NFIA: variants seen among roughly 807,000 people sequenced by gnomAD.
The protein encoded by NFIA is nuclear factor 1 A-type.
In NFIA, 8 loss-of-function variants were observed where a neutral mutation model predicts 62.8. The ratio of observed to expected loss-of-function variants is 0.13; its 90% CI spans 0.07 to 0.23. The LOEUF is 0.23. NFIA is among the 10% of genes least tolerant of loss of function. The pLI is 1.00. For synonymous variants in NFIA, 235 were observed against 238.1 expected, an observed-to-expected ratio of 0.99 and a Z score of 0.12; for missense variants, 410 against 642.1, an observed-to-expected ratio of 0.64 and a Z score of 3.91.
intron 2 of NFIA, among the ~76,000 whole-genome samples, chr1:61,094,150 A>G (rs1646371726): frequency 6.6e-6 from 1 of 152,252 alleles, no homozygotes. Flanking sequence ...TTACCATTTT[A>G]GTAATAATTT....
At chr1:61,110,752 T>C (rs1462495908) in intron 2 of NFIA, among the ~76,000 whole-genome samples, 4 of 152,110 alleles carry the variant, frequency 2.6e-5, no homozygotes, top group African/African-American at 9.6e-5. Context: ...ACTCAGGCAT[T>C]GGCTGAGACA....
intron 6 of NFIA, among the ~76,000 whole-genome samples, chr1:61,367,836 T>C (rs1663671451): frequency 1.5e-5 from 2 of 135,426 alleles, no homozygotes; most frequent in African/African-American, 5.2e-5. Context: ...TATACATATA[T>C]AATAAAGCAT....
chr1:61,387,479 T>TGTTTTG, intron 7 of NFIA, among the ~76,000 whole-genome samples: 1 of 84,884 alleles, frequency 1.2e-5, no homozygotes, highest in Non-Finnish European at 2.6e-5. Context: ...TTTTTTTTTT[T>TGTTTTG]TTTTTTTTTT....
At chr1:61,443,308 C>T (rs1384491105) in intron 10 of NFIA, among the ~76,000 whole-genome samples, 2 of 152,052 alleles carry the variant, frequency 1.3e-5, no homozygotes, top group Non-Finnish European at 2.9e-5. Flanking sequence ...AGACAAAACA[C>T]AAATATTAGT....
intron 6 of NFIA, among the ~76,000 whole-genome samples, chr1:61,369,369 A>G (rs965163321): frequency 1.3e-5 from 2 of 152,186 alleles, no homozygotes; most frequent in Non-Finnish European, 2.9e-5. Context: ...GATTAAATTC[A>G]CCAGAGGGTA....
chr1:61,433,773 T>A (rs1338603619), intron 10 of NFIA, among the ~76,000 whole-genome samples: 1 of 152,082 alleles, frequency 6.6e-6, no homozygotes, highest in Non-Finnish European at 1.5e-5. Context: ...ACTGTATAGG[T>A]TAAAAAAAAC....
intron 7 of NFIA, among the ~76,000 whole-genome samples, chr1:61,388,282 C>T (rs904715284): frequency 6.6e-6 from 1 of 152,184 alleles, no homozygotes; most frequent in Non-Finnish European, 1.5e-5. Flanking sequence ...AAAGATTGAG[C>T]TTTCAAAGAC....
chr1:61,333,654 AT>A (rs1424734826), intron 4 of NFIA, among the ~76,000 whole-genome samples: 3 of 152,170 alleles, frequency 2.0e-5, no homozygotes, highest in Admixed American at 1.3e-4. Context: ...AAATTACCCC[AT>A]TTTTAAAGAT....
At chr1:61,348,414 G>C (rs1349329977) in intron 4 of NFIA, among the ~76,000 whole-genome samples, 3 of 152,230 alleles carry the variant, frequency 2.0e-5, no homozygotes, top group African/African-American at 4.8e-5. Context: ...CACATAACCA[G>C]TTTGCCAAGC....
rs572058919 is a variant in NFIA, at chr1:61,114,293, C to T, written c.559+25613C>T. On this transcript the variant is annotated intron_variant, in intron 2 of 10. Coordinates refer to ENST00000403491, the MANE Select transcript of NFIA (RefSeq NM_001134673.4). ...GTAGAAAAAAAATGAACATTCTAGC[C>T]TGGACAACATAGCAAGACCCCATCT... Among the ~76,000 whole-genome samples the T allele has an allele frequency of 1.4e-4, 21 of 152,172 alleles. 1 individual carries two copies. The South Asian group carries it at 2.5e-3, about 18-fold the overall frequency.
intron 2 of NFIA, among the ~76,000 whole-genome samples, chr1:61,232,358 A>G (rs1654726027): frequency 6.6e-6 from 1 of 152,160 alleles, no homozygotes; most frequent in Admixed American, 6.5e-5. Flanking sequence ...ATTAAGCCAT[A>G]TATATTATAT....
rs1001468630 is a variant in NFIA at position 61,255,439 on chromosome 1, C to T, written c.560-22081C>T. Among the ~76,000 whole-genome samples, 9 of 152,284 alleles carry T rather than the reference C, an allele frequency of 5.9e-5. No homozygotes were observed. The South Asian group carries it at 1.9e-3, about 32-fold the overall frequency. Reference sequence around the variant, plus strand: ...ATATGATTTGCTTGAAATACTTTTGCATTATGCGTTACTTTCTCCTGACCT... The same window carrying T: ...ATATGATTTGCTTGAAATACTTTTGTATTATGCGTTACTTTCTCCTGACCT... On this transcript the variant is annotated intron_variant, in intron 2 of 10. Coordinates refer to ENST00000403491, the MANE Select transcript of NFIA (RefSeq NM_001134673.4).
rs1373527855 is a variant in NFIA at position 61,235,505 on chromosome 1, A to AAT, written c.560-42014_560-42013insTA. Among the ~76,000 whole-genome samples, 39 of 135,202 alleles carry AAT rather than the reference A, an allele frequency of 2.9e-4. 1 individual carries two copies. The highest frequency in any genetic ancestry group is 1.0e-3 in the East Asian group (4 of 3,872). The allele number at this position is 135,202 out of a possible 152,430, so 88.7% of individuals were successfully genotyped here. A position where few individuals can be genotyped will look rare whatever the true frequency, so the allele number is the denominator to read the frequency against. On this transcript the variant is annotated intron_variant, in intron 2 of 10. Coordinates refer to ENST00000403491, the MANE Select transcript of NFIA (RefSeq NM_001134673.4). The stretch of plus-strand genomic sequence containing the variant: ...AAATAAATAAATAAATAAATAAATA[A>AAT]AAATAAAAAATAAAAAAAAATGAAC...
chr1:61,225,617 G>C (rs941735854), intron 2 of NFIA, among the ~76,000 whole-genome samples: 1 of 97,586 alleles, frequency 1.0e-5, no homozygotes, highest in Non-Finnish European at 2.1e-5. Flanking sequence ...ATTTTATTTT[G>C]TATCACCAAA....
At chr1:61,188,037 T>G (rs1651325157) in intron 2 of NFIA, among the ~76,000 whole-genome samples, 1 of 151,918 alleles carries the variant, frequency 6.6e-6, no homozygotes, top group African/African-American at 2.4e-5. Flanking sequence ...AGCTTACCCT[T>G]GAAGTGTTTT....
intron 2 of NFIA, among the ~76,000 whole-genome samples, chr1:61,261,923 A>T (rs889770266): frequency 2.0e-5 from 3 of 152,192 alleles, no homozygotes; most frequent in African/African-American, 7.2e-5. Context: ...AACCTGCAAG[A>T]GATTTTGCTT....
chr1:61,358,728 TA>T (rs1663117764), intron 5 of NFIA, among the ~76,000 whole-genome samples: 1 of 152,158 alleles, frequency 6.6e-6, no homozygotes, highest in African/African-American at 2.4e-5. Context: ...CCCTGCTTTT[TA>T]TCCTTTCTGA....
At chr1:61,316,109 A>T (rs1570567143) in intron 3 of NFIA, among the ~76,000 whole-genome samples, 1 of 152,152 alleles carries the variant, frequency 6.6e-6, no homozygotes, top group Non-Finnish European at 1.5e-5. Context: ...TCGAGTTTAT[A>T]TTTATAGACC....
At chr1:61,363,452 A>C (rs1393663335) in intron 6 of NFIA, among the ~76,000 whole-genome samples, 1 of 152,082 alleles carries the variant, frequency 6.6e-6, no homozygotes, top group Non-Finnish European at 1.5e-5. Context: ...TAAAAATACA[A>C]AATTAGCTGC....
Sources: gnomAD v4.1 joint callset for allele counts (sites outside exome capture counted in the v4.1 genomes callset) on GRCh38, gnomAD v4.1.1 for gene constraint, MANE v1.5 for transcripts, NCBI Gene and HGNC (gene_info 2026-07-23, HGNC 2026-07-21) for gene names.